DDX4: variants seen among roughly 807,000 people sequenced by gnomAD.
DDX4 encodes DEAD-box helicase 4.
A neutral mutation model predicts 100.0 loss-of-function variants in DDX4; 25 were observed. The ratio of observed to expected loss-of-function variants is 0.25; its 90% CI spans 0.18 to 0.35. The LOEUF (loss-of-function observed/expected upper bound fraction) is 0.35, where lower values mean the gene tolerates loss of function less well. DDX4 is among the 10% of genes least tolerant of loss of function. The pLI, the probability that DDX4 is intolerant of heterozygous loss-of-function variation, is 1.00. For missense variants in DDX4, 635 were observed against 882.4 expected (o/e 0.72, Z 3.55); for synonymous variants, 259 against 275.7 (o/e 0.94, Z 0.60).
intron 15 of DDX4, among the ~76,000 whole-genome samples, chr5:55,790,110 T>TA (rs59569512): frequency 1.2e-3 from 163 of 139,550 alleles, no homozygotes; most frequent in African/African-American, 3.0e-3. Flanking sequence ...GTATTGTAAT[T>TA]AAAAAAAAAA....
chr5:55,772,022 C>T (rs537004679), intron 7 of DDX4, among the ~76,000 whole-genome samples: 23 of 152,106 alleles, frequency 1.5e-4, no homozygotes, highest in Non-Finnish European at 2.5e-4. Flanking sequence ...AGTTCGAGAC[C>T]AGCCTGGCCA....
intron 18 of DDX4, among the ~76,000 whole-genome samples, chr5:55,803,009 T>TA (rs1230683641): frequency 6.6e-6 from 1 of 152,152 alleles, no homozygotes; most frequent in Non-Finnish European, 1.5e-5. Flanking sequence ...GCAGGTTTGT[T>TA]ACGTATGTAT....
intron 5 of DDX4, 104 bp downstream of exon 5, chr5:55,763,356 A>C: frequency 1.3e-6 from 1 of 794,366 alleles, no homozygotes; most frequent in Non-Finnish European, 2.2e-6. Flanking sequence ...ATTTAATTTC[A>C]AGGTATATAT....
intron 3 of DDX4, among the ~76,000 whole-genome samples, chr5:55,755,116 C>T (rs1759843771): frequency 6.6e-6 from 1 of 151,974 alleles, no homozygotes; most frequent in African/African-American, 2.4e-5. Context: ...TCTGTCTTTT[C>T]CTTGTTGATG....
chr5:55,795,335 C>T (rs1267387442), intron 17 of DDX4, among the ~76,000 whole-genome samples: 1 of 152,132 alleles, frequency 6.6e-6, no homozygotes, highest in Non-Finnish European at 1.5e-5. Flanking sequence ...ACGTTCATGT[C>T]CAAAATAGAA....
At chr5:55,760,343 TGGCCATTTGGTACAAA>T in intron 4 of DDX4, 66 bp downstream of exon 4, 1 of 1,457,052 alleles carries the variant, frequency 6.9e-7, no homozygotes. Context: ...GAGGCTTTCA[TGGCCATTTGGTACAAA>T]GCTAAGTCTG....
chr5:55,744,073 A>G (rs540301317), intron 2 of DDX4, among the ~76,000 whole-genome samples: 91 of 152,310 alleles, frequency 6.0e-4, no homozygotes, highest in African/African-American at 2.1e-3. Context: ...AGCAATTACC[A>G]AAACCCCAAG....
At chr5:55,802,209 A>G (rs572568675) in intron 18 of DDX4, among the ~76,000 whole-genome samples, 2 of 152,328 alleles carry the variant, frequency 1.3e-5, no homozygotes, top group South Asian at 4.1e-4. Context: ...TGTTGCAGGT[A>G]ACTACCATGA....
At chr5:55,774,931 G>T (rs1741468437) in intron 7 of DDX4, among the ~76,000 whole-genome samples, 1 of 152,154 alleles carries the variant, frequency 6.6e-6, no homozygotes, top group Non-Finnish European at 1.5e-5. Context: ...ATTCTTAAGT[G>T]TATAATTTTT....
intron 2 of DDX4, among the ~76,000 whole-genome samples, chr5:55,741,231 C>A (rs2150802881): frequency 6.6e-6 from 1 of 152,290 alleles, no homozygotes; most frequent in South Asian, 2.1e-4. Context: ...ACTGTCAAAT[C>A]TTTCAAATTT....
Position 55,816,737 on chromosome 5 carries a change from C to G in DDX4, c.*197C>G, listed in dbSNP as rs757824048. 8.9e-5 allele frequency: 78 copies of G among 878,234 alleles called. No homozygotes were observed. The highest frequency in any genetic ancestry group is 1.1e-4 in the Non-Finnish European group (67 of 617,248). 54.4% of individuals were successfully genotyped at this position (878,234 alleles called of 1,614,324 possible). On this transcript the variant is annotated 3_prime_UTR_variant, in exon 22 of 22. Coordinates refer to ENST00000505374, the MANE Select transcript of DDX4 (RefSeq NM_024415.3). The stretch of plus-strand genomic sequence containing the variant: ...ACTTACAACATTGCAGTTACTGATA[C>G]AAATGGTGTTAACTGGGAATATTAA...
intron 7 of DDX4, among the ~76,000 whole-genome samples, chr5:55,775,589 T>C (rs948382964): frequency 3.3e-5 from 5 of 152,194 alleles, no homozygotes; most frequent in African/African-American, 1.2e-4. Context: ...GTGATACATA[T>C]CATTTTAGTG....
chr5:55,778,861 T>C (rs995097226), intron 7 of DDX4, among the ~76,000 whole-genome samples: 6 of 149,630 alleles, frequency 4.0e-5, no homozygotes, highest in Non-Finnish European at 1.5e-5. Flanking sequence ...GCCACTGCAC[T>C]CCAACCTGGG....
At position 55,785,296 on chromosome 5, in the gene DDX4, G is replaced by A. The variant is rs768894231; in HGVS notation, c.626-1G>A. On this transcript the variant is annotated splice_acceptor_variant, in intron 10 of 21. Coordinates refer to ENST00000505374, the MANE Select transcript of DDX4 (RefSeq NM_024415.3). LOFTEE classifies it high-confidence loss of function. ...TTGTCACTTATGAATTTCTTTAATA[G>A]GTGGTTACAAAGGTTTAAATGAAGA... 14 of 1,589,366 alleles carry A rather than the reference G, an allele frequency of 8.8e-6. No individual in the cohort carries two copies. Among genetic ancestry groups the A allele is most frequent in the Non-Finnish European group, 1.0e-5 (12 of 1,158,688 alleles).
chr5:55,813,098 G>C (rs1744207825), intron 18 of DDX4, among the ~76,000 whole-genome samples: 1 of 152,042 alleles, frequency 6.6e-6, no homozygotes, highest in Non-Finnish European at 1.5e-5. Context: ...ATTTTAAGGA[G>C]TAAATATTCC....
chr5:55,806,675 C>G, intron 18 of DDX4, among the ~76,000 whole-genome samples: 1 of 152,210 alleles, frequency 6.6e-6, no homozygotes, highest in East Asian at 1.9e-4. Flanking sequence ...TTTGATTGCA[C>G]TGTGGTCTGA....
chr5:55,767,071 C>G, intron 6 of DDX4: 3 of 1,380,458 alleles, frequency 2.2e-6, no homozygotes. Flanking sequence ...AGGATATCCC[C>G]AAATTATTTC....
intron 4 of DDX4, among the ~76,000 whole-genome samples, chr5:55,761,195 C>G (rs1252042251): frequency 6.6e-6 from 1 of 151,992 alleles, no homozygotes; most frequent in African/African-American, 2.4e-5. Context: ...GTTTTTAAGC[C>G]TGCATATTAA....
At chr5:55,796,891 A>T (rs1445520009) in intron 17 of DDX4, among the ~76,000 whole-genome samples, 1 of 124,464 alleles carries the variant, frequency 8.0e-6, no homozygotes, top group Non-Finnish European at 1.6e-5. Context: ...GCCCAGGCTG[A>T]AGTTCAGAGG....
Sources: allele counts gnomAD v4.1 joint callset (sites outside exome capture counted in the v4.1 genomes callset), GRCh38; gene constraint gnomAD v4.1.1; transcripts MANE v1.5; gene names NCBI Gene and HGNC (gene_info 2026-07-23, HGNC 2026-07-21).